NAV2: variants seen among roughly 807,000 people sequenced by gnomAD.
NAV2 encodes the protein helicase, APC down-regulated 1.
In NAV2, 54 loss-of-function variants were observed where a neutral mutation model predicts 223.2. The ratio of observed to expected loss-of-function variants is 0.24; its 90% confidence interval spans 0.19 to 0.30. The LOEUF (loss-of-function observed/expected upper bound fraction) is 0.30. Ranked by LOEUF, NAV2 falls within the 10% of genes least tolerant of loss-of-function variation. The pLI is 1.00. For missense variants in NAV2, 2,806 were observed against 3,147.5 expected (o/e 0.89, Z 2.60); for synonymous variants, 1,279 against 1,239.3 (o/e 1.03, Z -0.67).
At chr11:19,625,550 T>G (rs935655806) in intron 1 of NAV2, among the ~76,000 whole-genome samples, 1 of 152,212 alleles carries the variant, frequency 6.6e-6, no homozygotes, top group African/African-American at 2.4e-5. Flanking sequence ...CTAATTTCCT[T>G]TCTCTTGGTG....
At position 19,961,092 on chromosome 11, in the gene NAV2, C is replaced by A. The variant is rs115769899; in HGVS notation, c.2645+12012C>A. Among the ~76,000 whole-genome samples, 1,256 of 152,076 alleles carry A rather than the reference C, an allele frequency of 8.3e-3. 27 individuals carry two copies. Among genetic ancestry groups the A allele is most frequent in the African/African-American group, 0.029 (1,208 of 41,472 alleles). ...CATCTAGAAAACCAAATCCATATTT[C>A]TTTTCTTTTTTTAATTTAAAATTTT... is the stretch of plus-strand genomic sequence containing the variant. On this transcript the variant is annotated intron_variant, in intron 10 of 37. Coordinates refer to ENST00000349880, the MANE Select transcript of NAV2 (RefSeq NM_145117.5).
chr11:19,884,372 T>C (rs1464254505), intron 5 of NAV2: 1 of 1,611,042 alleles, frequency 6.2e-7, no homozygotes, highest in Middle Eastern at 1.7e-4. Context: ...GGTTAGACTT[T>C]CTCTGTGTCC....
chr11:19,608,768 G>C (rs1416206959), intron 1 of NAV2, among the ~76,000 whole-genome samples: 1 of 152,212 alleles, frequency 6.6e-6, no homozygotes, highest in Non-Finnish European at 1.5e-5. Flanking sequence ...TAACTCTGTG[G>C]CTTGAAACAA....
At chr11:19,891,100 C>A (rs718919) in intron 5 of NAV2, among the ~76,000 whole-genome samples, 22,742 of 152,156 alleles carry the variant, frequency 0.15, 2,169 homozygotes, top group East Asian at 0.39. Flanking sequence ...ATCTTTCTTG[C>A]CCAGCCAACA....
intron 1 of NAV2, among the ~76,000 whole-genome samples, chr11:19,451,128 G>T (rs1442874384): frequency 6.6e-6 from 1 of 152,114 alleles, no homozygotes; most frequent in African/African-American, 2.4e-5. Context: ...GGGTCACATA[G>T]TATGAAAGAA....
At chr11:19,707,492 A>G (rs546143436) in intron 1 of NAV2, among the ~76,000 whole-genome samples, 2 of 152,242 alleles carry the variant, frequency 1.3e-5, no homozygotes, top group East Asian at 3.9e-4. Flanking sequence ...ACTGTTTTCC[A>G]CCTCCACATA....
At chr11:19,441,878 G>A (rs1398305624) in intron 1 of NAV2, among the ~76,000 whole-genome samples, 1 of 152,142 alleles carries the variant, frequency 6.6e-6, no homozygotes, top group Non-Finnish European at 1.5e-5. Context: ...ATTTGGTCTG[G>A]GAGCTCTCCT....
chr11:19,451,301 A>G (rs576524422), intron 1 of NAV2, among the ~76,000 whole-genome samples: 1 of 151,994 alleles, frequency 6.6e-6, no homozygotes. Flanking sequence ...TGACTCCAAG[A>G]TATTCCTAGA....
chr11:19,733,578 T>C (rs765112111), intron 1 of NAV2, among the ~76,000 whole-genome samples: 25 of 152,202 alleles, frequency 1.6e-4, no homozygotes, highest in Non-Finnish European at 2.9e-4. Context: ...CTTGATAACA[T>C]GGGACTGAGA....
intron 11 of NAV2, among the ~76,000 whole-genome samples, chr11:20,000,171 A>G (rs2052401584): frequency 6.6e-6 from 1 of 152,238 alleles, no homozygotes; most frequent in Non-Finnish European, 1.5e-5. Context: ...CGAAGTAGTT[A>G]ACACGCTCCA....
At chr11:19,404,582 C>G (rs1398955675) in intron 1 of NAV2, among the ~76,000 whole-genome samples, 1 of 150,908 alleles carries the variant, frequency 6.6e-6, no homozygotes, top group Non-Finnish European at 1.5e-5. Flanking sequence ...AATAGTGAGT[C>G]TTTTTTTTTG....
At chr11:19,813,804 A>C (rs1733329002) in intron 1 of NAV2, among the ~76,000 whole-genome samples, 1 of 152,174 alleles carries the variant, frequency 6.6e-6, no homozygotes, top group South Asian at 2.1e-4. Context: ...GCATCAACTT[A>C]TGGGTTCCCG....
chr11:19,924,650 G>A (rs371877986), intron 6 of NAV2, among the ~76,000 whole-genome samples: 1 of 152,222 alleles, frequency 6.6e-6, no homozygotes, highest in African/African-American at 2.4e-5. Flanking sequence ...AAGTGACCCA[G>A]TAGAGAGCAA....
chr11:19,972,739 C>T (rs1404449458), intron 10 of NAV2, among the ~76,000 whole-genome samples: 1 of 152,160 alleles, frequency 6.6e-6, no homozygotes, highest in African/African-American at 2.4e-5. Flanking sequence ...TACTGAACCC[C>T]ATGCAAATAT....
chr11:19,985,684 C>T (rs888183373), intron 11 of NAV2, among the ~76,000 whole-genome samples: 1 of 152,064 alleles, frequency 6.6e-6, no homozygotes, highest in African/African-American at 2.4e-5. Flanking sequence ...TCAAGCAATT[C>T]TCCTGCCTCA....
Position 19,879,944 on chromosome 11 carries a change from A to T in NAV2, c.587A>T (p.Gln196Leu). ...SLSRYKQQQQ[Q>L]PQKQHLSSPL... ...TCCCGATACAAGCAGCAGCAGCAGCAGCCCCAGAAGCAGCACCTCTCCTCA... is the reference window on the plus strand; with the variant it reads ...TCCCGATACAAGCAGCAGCAGCAGCTGCCCCAGAAGCAGCACCTCTCCTCA... Residue 196 changes from glutamine to leucine, a missense_variant, in exon 5 of 38, where the codon CAG (glutamine) becomes CTG (leucine). Coordinates refer to ENST00000349880, the MANE Select transcript of NAV2 (RefSeq NM_145117.5). 2 of 1,613,534 alleles carry T rather than the reference A, an allele frequency of 1.2e-6. No homozygotes were observed. The highest frequency in any genetic ancestry group is 1.7e-6 in the Non-Finnish European group (2 of 1,180,016).
intron 1 of NAV2, among the ~76,000 whole-genome samples, chr11:19,739,717 A>G (rs962676383): frequency 1.3e-5 from 2 of 152,302 alleles, no homozygotes; most frequent in East Asian, 3.9e-4. Flanking sequence ...TGAGTTTATA[A>G]TCCCTAGCTA....
At position 19,827,692 on chromosome 11, in the gene NAV2, G is replaced by A. The variant is rs138120720; in HGVS notation, c.268-4792G>A. ...GCCTTGACTGAAGTGTGAAGAGTTA[G>A]CCTTTATTATTTTTATTATTTTTTT... On this transcript the variant is annotated intron_variant, in intron 1 of 37. Transcript: ENST00000349880. 4.1e-3 allele frequency among the ~76,000 whole-genome samples: 626 copies of A among 152,144 alleles called. 15 individuals carry two copies. The highest frequency in any genetic ancestry group is 0.025 in the Admixed American group (388 of 15,282).
At chr11:19,698,873 A>G (rs1388546033) in intron 1 of NAV2, among the ~76,000 whole-genome samples, 1 of 152,130 alleles carries the variant, frequency 6.6e-6, no homozygotes, top group Non-Finnish European at 1.5e-5. Flanking sequence ...AAAAAGGAGA[A>G]GGAGGGAGAA....
Sources: gnomAD v4.1 joint callset for allele counts (sites outside exome capture counted in the v4.1 genomes callset) on GRCh38, gnomAD v4.1.1 for gene constraint, MANE v1.5 for transcripts, NCBI Gene and HGNC (gene_info 2026-07-23, HGNC 2026-07-21) for gene names.